Variants in DIAPH2 observed in about 807,000 individuals in gnomAD.
DIAPH2 encodes the protein protein diaphanous homolog 2.
In DIAPH2, 35 loss-of-function variants were observed where a neutral mutation model predicts 92.7. That is an observed-to-expected ratio of 0.38 (90% CI 0.29 to 0.50). The LOEUF is 0.50. Among genes scored for constraint, DIAPH2 ranks in the 20% least tolerant of loss-of-function variants. DIAPH2 has a pLI of 0.94. For synonymous variants in DIAPH2, 301 were observed against 280.4 expected (o/e 1.07, Z -0.73); for missense variants, 701 against 819.5 (o/e 0.86, Z 1.77).
intron 26 of DIAPH2, among the ~76,000 whole-genome samples, chrX:97,453,388 C>G (rs908891468): frequency 9.1e-6 from 1 of 109,539 alleles, no homozygotes; most frequent in Non-Finnish European, 1.9e-5. Flanking sequence ...CAGCTTTTCC[C>G]TAGAAGAGAT....
At chrX:97,400,975 T>A (rs2147749213) in intron 25 of DIAPH2, among the ~76,000 whole-genome samples, 1 of 108,006 alleles carries the variant, frequency 9.3e-6, no homozygotes, top group Non-Finnish European at 1.9e-5. Flanking sequence ...CAAGTGATCC[T>A]CCTGCGTCAG....
At chrX:97,293,377 C>T (rs1227130919) in intron 23 of DIAPH2, among the ~76,000 whole-genome samples, 3 of 108,100 alleles carry the variant, frequency 2.8e-5, no homozygotes, top group African/African-American at 3.4e-5. Context: ...CTCAGCCTCC[C>T]GAGTAGCTGG....
At chrX:97,401,412 C>G (rs1421072465) in intron 25 of DIAPH2, among the ~76,000 whole-genome samples, 1 of 111,162 alleles carries the variant, frequency 9.0e-6, no homozygotes, top group Non-Finnish European at 1.9e-5. Context: ...TCCTTGCTTT[C>G]TCGAGGTTCA....
chrX:97,138,322 CA>C (rs1416213349), intron 21 of DIAPH2, among the ~76,000 whole-genome samples: 2 of 111,807 alleles, frequency 1.8e-5, no homozygotes, highest in Non-Finnish European at 3.8e-5. Flanking sequence ...TGTACTTGAA[CA>C]TATAAAATAT....
At chrX:97,127,493 C>T (rs1445486507) in intron 21 of DIAPH2, among the ~76,000 whole-genome samples, 2 of 112,249 alleles carry the variant, frequency 1.8e-5, no homozygotes, top group Non-Finnish European at 3.8e-5. Context: ...CAGCCTGGCC[C>T]ATTCAGATCA....
At chrX:97,365,302 C>A (rs2069369777) in intron 24 of DIAPH2, among the ~76,000 whole-genome samples, 1 of 111,788 alleles carries the variant, frequency 8.9e-6, no homozygotes, top group African/African-American at 3.3e-5. Flanking sequence ...CTGCAGTAAT[C>A]TTTTAGTTCT....
chrX:96,941,420 A>T (rs1295249569), intron 12 of DIAPH2, among the ~76,000 whole-genome samples: 1 of 112,162 alleles, frequency 8.9e-6, no homozygotes, highest in Non-Finnish European at 1.9e-5. Flanking sequence ...CACTTTAAAC[A>T]AATTGAAGCA....
At chrX:97,481,116 A>G (rs1352101276) in intron 26 of DIAPH2, among the ~76,000 whole-genome samples, 1 of 111,902 alleles carries the variant, frequency 8.9e-6, no homozygotes, top group East Asian at 2.8e-4. Context: ...CTGTAATTAC[A>G]TAACTTATAC....
At chrX:96,806,888 C>T (rs2147655739) in intron 4 of DIAPH2, among the ~76,000 whole-genome samples, 1 of 108,212 alleles carries the variant, frequency 9.2e-6, no homozygotes, top group East Asian at 3.0e-4. Flanking sequence ...CTACAGGCGC[C>T]CGACACCACG....
chrX:96,829,205 T>C (rs1343190898), intron 4 of DIAPH2, among the ~76,000 whole-genome samples: 1 of 111,337 alleles, frequency 9.0e-6, no homozygotes, highest in Non-Finnish European at 1.9e-5. Context: ...TGTTTAATGC[T>C]AAAACACTTG....
At chrX:97,106,780 A>G (rs1331871089) in intron 20 of DIAPH2, among the ~76,000 whole-genome samples, 3 of 110,549 alleles carry the variant, frequency 2.7e-5, no homozygotes, top group Non-Finnish European at 5.7e-5. Flanking sequence ...AAAAATACAA[A>G]AATTAGCCAG....
At chrX:96,913,033 G>A (rs759012103) in intron 7 of DIAPH2, among the ~76,000 whole-genome samples, 8 of 109,966 alleles carry the variant, frequency 7.3e-5, no homozygotes, top group Non-Finnish European at 1.3e-4. Context: ...GAGGATTTCA[G>A]GGATGATATA....
At position 96,912,380 on chromosome X, in the gene DIAPH2, GAAA is replaced by G; in HGVS notation, c.642_644del (p.Lys215del). On this transcript the variant is annotated inframe_deletion, in exon 6 of 27. Transcript: ENST00000324765. The stretch of plus-strand genomic sequence containing the variant: ...TCTTGGACTCTTATTGGATGAGCTG[GAAA>G]AGCTTCTGGACAAAAAACAGTAAGA... 1.7e-6 allele frequency: 2 copies of G among 1,202,769 alleles called. No individual in the cohort carries two copies. Among genetic ancestry groups the G allele is most frequent in the Non-Finnish European group, 2.2e-6 (2 of 890,520 alleles).
At chrX:97,192,108 A>G (rs746970282) in intron 22 of DIAPH2, among the ~76,000 whole-genome samples, 29 of 109,879 alleles carry the variant, frequency 2.6e-4, no homozygotes, top group African/African-American at 9.3e-4. Flanking sequence ...TGGCCAACAT[A>G]GTGAAACCCC....
At chrX:97,425,971 A>G (rs1203372888) in intron 25 of DIAPH2, among the ~76,000 whole-genome samples, 8 of 110,430 alleles carry the variant, frequency 7.2e-5, no homozygotes, top group African/African-American at 1.3e-4. Flanking sequence ...CTCATCCACC[A>G]TCCAATGACA....
At chrX:97,595,671 T>C (rs908315198) in intron 26 of DIAPH2, among the ~76,000 whole-genome samples, 18 of 110,355 alleles carry the variant, frequency 1.6e-4, no homozygotes, top group Admixed American at 7.7e-4. Context: ...AGTTTCACTC[T>C]TGTTGCCCAG....
chrX:97,336,388 G>A (rs2069061171), intron 23 of DIAPH2, among the ~76,000 whole-genome samples: 1 of 107,858 alleles, frequency 9.3e-6, no homozygotes, highest in Non-Finnish European at 1.9e-5. Context: ...TGGGACTACA[G>A]GCGCCCGCCA....
At chrX:96,707,684 G>A (rs1257670674) in intron 1 of DIAPH2, among the ~76,000 whole-genome samples, 6 of 109,243 alleles carry the variant, frequency 5.5e-5, no homozygotes, top group African/African-American at 1.7e-4. Context: ...ATATGTACTC[G>A]TCTCAAAAGA....
At chrX:96,953,605 A>G (rs1209117046) in intron 15 of DIAPH2, 1 of 112,020 alleles carries the variant, frequency 8.9e-6, no homozygotes, top group African/African-American at 3.2e-5. Context: ...AAGAGAATAC[A>G]CTTTGTATTT....
Sources: gnomAD v4.1 joint callset for allele counts (sites outside exome capture counted in the v4.1 genomes callset) on GRCh38, gnomAD v4.1.1 for gene constraint, MANE v1.5 for transcripts, NCBI Gene and HGNC (gene_info 2026-07-23, HGNC 2026-07-21) for gene names.